The following NRXN3 variants were observed in gnomAD, a reference collection of about 807,000 sequenced individuals.
The protein encoded by NRXN3 is neurexin 3.
In NRXN3, 32 loss-of-function variants were observed where a neutral mutation model predicts 137.6. The observed-to-expected ratio is 0.23, with a 90% confidence interval of 0.18 to 0.31. The LOEUF (loss-of-function observed/expected upper bound fraction) is 0.31, where lower values mean the gene tolerates loss of function less well. Ranked by LOEUF, NRXN3 falls within the 10% of genes least tolerant of loss-of-function variation. The pLI, the probability that NRXN3 is intolerant of heterozygous loss-of-function variation, is 1.00. For missense variants in NRXN3, 1,574 were observed against 2,062.5 expected, an observed-to-expected ratio of 0.76 and a Z score of 4.59; for synonymous variants, 798 against 784.5, an observed-to-expected ratio of 1.02 and a Z score of -0.29.
At chr14:78,417,104 A>G (rs2093180640) in intron 4 of NRXN3, among the ~76,000 whole-genome samples, 1 of 152,200 alleles carries the variant, frequency 6.6e-6, no homozygotes, top group Non-Finnish European at 1.5e-5. Flanking sequence ...ATGCAAGGTC[A>G]ACTATGCTGG....
intron 10 of NRXN3, among the ~76,000 whole-genome samples, chr14:78,842,245 T>C (rs542467124): frequency 6.6e-6 from 1 of 152,250 alleles, no homozygotes; most frequent in East Asian, 1.9e-4. Context: ...TTCACATAGG[T>C]TCTTTTCTAT....
chr14:79,446,932 A>T (rs114566144), intron 15 of NRXN3, among the ~76,000 whole-genome samples: 1 of 152,186 alleles, frequency 6.6e-6, no homozygotes, highest in South Asian at 2.1e-4. Context: ...TGTGCAGGAG[A>T]TCTCCATAAC....
intron 8 of NRXN3, among the ~76,000 whole-genome samples, chr14:78,736,375 G>C (rs1229214192): frequency 6.6e-6 from 1 of 152,106 alleles, no homozygotes; most frequent in Admixed American, 6.6e-5. Flanking sequence ...TAAGTTTTCT[G>C]AGCCTTATAT....
intron 16 of NRXN3, among the ~76,000 whole-genome samples, chr14:79,626,758 G>A (rs10483928): frequency 0.1 from 15,208 of 152,134 alleles, 873 homozygotes; most frequent in Middle Eastern, 0.24. Context: ...AGATTTCTCA[G>A]CACGATTAGC....
intron 10 of NRXN3, among the ~76,000 whole-genome samples, chr14:78,931,919 G>A (rs2099323177): frequency 6.6e-6 from 1 of 152,114 alleles, no homozygotes; most frequent in Admixed American, 6.6e-5. Context: ...GGCCGAGGCA[G>A]GTGGATCACC....
chr14:79,844,776 T>G (rs1162329061), intron 20 of NRXN3, among the ~76,000 whole-genome samples: 1 of 152,216 alleles, frequency 6.6e-6, no homozygotes, highest in East Asian at 1.9e-4. Flanking sequence ...AAATAAGTAT[T>G]GACTTTAAGT....
intron 15 of NRXN3, among the ~76,000 whole-genome samples, chr14:79,396,488 T>G (rs2095030534): frequency 6.6e-6 from 1 of 152,148 alleles, no homozygotes; most frequent in African/African-American, 2.4e-5. Context: ...ATTCAGTACA[T>G]CCAGAGCGGG....
At chr14:78,561,985 CA>C (rs1283710390) in intron 4 of NRXN3, among the ~76,000 whole-genome samples, 4 of 152,164 alleles carry the variant, frequency 2.6e-5, no homozygotes, top group Non-Finnish European at 1.5e-5. Context: ...CCATCCCATG[CA>C]CTCTTCTGCA....
chr14:78,531,573 G>T (rs1385406055), intron 4 of NRXN3, among the ~76,000 whole-genome samples: 1 of 152,086 alleles, frequency 6.6e-6, no homozygotes, highest in Non-Finnish European at 1.5e-5. Flanking sequence ...GTTACCTTCT[G>T]CTATCCATCT....
At chr14:78,563,227 G>A (rs2096803691) in intron 4 of NRXN3, among the ~76,000 whole-genome samples, 1 of 152,138 alleles carries the variant, frequency 6.6e-6, no homozygotes, top group Non-Finnish European at 1.5e-5. Flanking sequence ...TGTCACTTTT[G>A]CTATATTTTG....
chr14:79,041,636 T>C (rs779499261), intron 15 of NRXN3, among the ~76,000 whole-genome samples: 2 of 152,146 alleles, frequency 1.3e-5, no homozygotes, highest in African/African-American at 2.4e-5. Flanking sequence ...AACCTCTTCT[T>C]GAGAGTTTCA....
At chr14:79,314,163 C>T (rs1249149628) in intron 15 of NRXN3, 1 of 148,508 alleles carries the variant, frequency 6.7e-6, no homozygotes, top group African/African-American at 2.5e-5. Flanking sequence ...CCGGGTTCAT[C>T]TCACTAGGGA....
chr14:79,785,748 G>T (rs962911576), intron 19 of NRXN3, among the ~76,000 whole-genome samples: 1 of 152,094 alleles, frequency 6.6e-6, no homozygotes, highest in Non-Finnish European at 1.5e-5. Context: ...TTGAATGAAT[G>T]ATTGGTGAGT....
chr14:78,579,049 G>T (rs761926842), intron 4 of NRXN3, among the ~76,000 whole-genome samples: 1 of 152,166 alleles, frequency 6.6e-6, no homozygotes, highest in Non-Finnish European at 1.5e-5. Context: ...CTTTCAGCTA[G>T]AGAGGGTTTA....
chr14:79,542,559 G>A (rs1178444184), intron 16 of NRXN3, among the ~76,000 whole-genome samples: 1 of 152,124 alleles, frequency 6.6e-6, no homozygotes, highest in Non-Finnish European at 1.5e-5. Flanking sequence ...AGTTGTAATA[G>A]CATTTTCTCC....
At chr14:79,602,809 A>C (rs1424943041) in intron 16 of NRXN3, among the ~76,000 whole-genome samples, 1 of 152,072 alleles carries the variant, frequency 6.6e-6, no homozygotes, top group African/African-American at 2.4e-5. Context: ...GGCATCAACA[A>C]TTATTTATAA....
intron 4 of NRXN3, among the ~76,000 whole-genome samples, chr14:78,525,584 G>A (rs951930201): frequency 2.6e-5 from 4 of 152,270 alleles, no homozygotes; most frequent in Admixed American, 6.5e-5. Flanking sequence ...ATGACCACTT[G>A]CCATGGTACT....
intron 16 of NRXN3, among the ~76,000 whole-genome samples, chr14:79,498,470 A>C (rs2096788665): frequency 6.6e-6 from 1 of 152,188 alleles, no homozygotes; most frequent in Non-Finnish European, 1.5e-5. Flanking sequence ...TCTGAAAAGC[A>C]TCAGGTCCAA....
chr14:79,828,980 T>G (rs1051727776), intron 20 of NRXN3, among the ~76,000 whole-genome samples: 1 of 152,142 alleles, frequency 6.6e-6, no homozygotes, highest in Non-Finnish European at 1.5e-5. Flanking sequence ...GATTTATAAT[T>G]TACACAATTC....
Sources: allele counts gnomAD v4.1 joint callset (sites outside exome capture counted in the v4.1 genomes callset), GRCh38; gene constraint gnomAD v4.1.1; transcripts MANE v1.5; gene names NCBI Gene and HGNC (gene_info 2026-07-23, HGNC 2026-07-21).